ATP11A: variants seen among roughly 807,000 people sequenced by gnomAD.
ATP11A encodes ATPase phospholipid transporting 11A.
A neutral mutation model predicts 154.4 loss-of-function variants in ATP11A; 81 were observed. The observed-to-expected ratio is 0.52, with a 90% CI of 0.44 to 0.63. The LOEUF is 0.63. Among genes scored for constraint, ATP11A ranks in the 30% least tolerant of loss-of-function variants. The probability of loss-of-function intolerance (pLI) is 0.00; values close to 1 mark genes in which losing one functional copy is unlikely to be tolerated. For synonymous variants in ATP11A, 623 were observed against 585.9 expected (o/e 1.06, Z -0.91); for missense variants, 1,316 against 1,474.3 (o/e 0.89, Z 1.76).
At chr13:112,806,871 T>G (rs1354917695) in intron 4 of ATP11A, among the ~76,000 whole-genome samples, 1 of 152,204 alleles carries the variant, frequency 6.6e-6, no homozygotes, top group Non-Finnish European at 1.5e-5. Flanking sequence ...TCTAAACATT[T>G]CGTACTCACG....
intron 1 of ATP11A, among the ~76,000 whole-genome samples, chr13:112,695,259 A>G (rs547299397): frequency 3.9e-5 from 6 of 152,258 alleles, no homozygotes; most frequent in African/African-American, 1.4e-4. Context: ...CATAGAATCC[A>G]AGACTAATAA....
At chr13:112,715,367 C>G in intron 1 of ATP11A, among the ~76,000 whole-genome samples, 1 of 150,474 alleles carries the variant, frequency 6.6e-6, no homozygotes, top group African/African-American at 2.4e-5. Context: ...TACACCTGGC[C>G]CACCTCCCCA....
intron 12 of ATP11A, among the ~76,000 whole-genome samples, chr13:112,829,522 A>G (rs1246276542): frequency 6.6e-6 from 1 of 152,210 alleles, no homozygotes; most frequent in East Asian, 1.9e-4. Context: ...CTTTCATAAC[A>G]TCTCTCAACA....
intron 11 of ATP11A, 70 bp from the exon 12 acceptor site, chr13:112,826,624 T>C: frequency 2.4e-6 from 3 of 1,244,526 alleles, no homozygotes; most frequent in East Asian, 2.3e-5. Flanking sequence ...CCTGAGGTGT[T>C]AGAGCAGCAT....
At chr13:112,864,868 G>C (rs1261608802) in intron 25 of ATP11A, among the ~76,000 whole-genome samples, 1 of 72,512 alleles carries the variant, frequency 1.4e-5, no homozygotes, top group African/African-American at 5.1e-5. Flanking sequence ...CACCACCTGC[G>C]CAGTAATTCA....
chr13:112,856,169 T>C, intron 20 of ATP11A, 84 bp downstream of exon 20: 1 of 1,356,272 alleles, frequency 7.4e-7, no homozygotes, highest in Non-Finnish European at 1.0e-6. Context: ...CGCCTCAGAT[T>C]GTTAAACAAT....
chr13:112,698,015 C>T (rs1470051512), intron 1 of ATP11A, among the ~76,000 whole-genome samples: 5 of 152,184 alleles, frequency 3.3e-5, no homozygotes, highest in African/African-American at 1.2e-4. Flanking sequence ...CAAGGGAGCC[C>T]CTGCCCCTGC....
chr13:112,794,648 T>C (rs2077949709), intron 2 of ATP11A, among the ~76,000 whole-genome samples: 2 of 152,220 alleles, frequency 1.3e-5, no homozygotes, highest in African/African-American at 4.8e-5. Context: ...AGCGGGCGGA[T>C]CACGAGGTCA....
rs1282681204 is a variant in ATP11A, at chr13:112,868,935, A to G, written c.2992-2800A>G. Among the ~76,000 whole-genome samples, 7 of 152,042 alleles carry G rather than the reference A, an allele frequency of 4.6e-5. No homozygotes were observed. In the East Asian group the frequency reaches 1.4e-3, roughly 29 times the overall value. ...CAGGAGAGAGAGAGCAAAGGGGAAA[A>G]TGCTACACACTTTGAAACAACCAGA... is the stretch of plus-strand genomic sequence containing the variant. On this transcript the variant is annotated intron_variant, in intron 25 of 29. Coordinates refer to ENST00000375645, the MANE Select transcript of ATP11A (RefSeq NM_015205.3).
In ATP11A at chr13:112,802,347, CA is replaced by C. The variant is rs202040631; in HGVS notation, c.163-2600del. Among the ~76,000 whole-genome samples the C allele has an allele frequency of 3.1e-4, 43 of 140,852 alleles. No individual in the cohort carries two copies. The East Asian group carries it at 3.9e-3, about 13-fold the overall frequency. The allele number at this position is 140,852 out of a possible 152,430, so 92.4% of individuals were successfully genotyped here. A position where few individuals can be genotyped will look rare whatever the true frequency, so the allele number is the denominator to read the frequency against. ...GGCAACAGAGCGAGACTCCGTCTCA[CA>C]AAAAAAAAAGAAAAGAATAGACAAA... is the stretch of plus-strand genomic sequence containing the variant. On this transcript the variant is annotated intron_variant, in intron 2 of 29. Transcript: ENST00000375645.
At chr13:112,827,759 G>A (rs749306156) in intron 12 of ATP11A, among the ~76,000 whole-genome samples, 5 of 152,252 alleles carry the variant, frequency 3.3e-5, no homozygotes, top group Admixed American at 6.5e-5. Context: ...ATGACAGCCT[G>A]TAAATAGACT....
rs2080683897 is a variant in ATP11A at position 112,875,277 on chromosome 13, C to T, written c.3162-499C>T. Among the ~76,000 whole-genome samples, 1 of 152,160 alleles carries T rather than the reference C, an allele frequency of 6.6e-6. No homozygotes were observed. Among genetic ancestry groups the T allele is most frequent in the South Asian group, 2.1e-4 (1 of 4,820 alleles). On this transcript the variant is annotated intron_variant, in intron 27 of 29. Transcript: ENST00000375645. The surrounding 1 kb of genome is among the most constrained non-coding windows in gnomAD (Gnocchi z 4.1). ...ACCGGAAGGCACGTATAGACGTGGA[C>T]CTGTGGGCTCGGGCTGGCTGCGGGT...
In ATP11A at chr13:112,837,450, C is replaced by T. The variant is rs186605782; in HGVS notation, c.1705+1199C>T. 5.0e-3 allele frequency among the ~76,000 whole-genome samples: 769 copies of T among 152,366 alleles called. 5 individuals are homozygous for T. The highest frequency in any genetic ancestry group is 7.9e-3 in the Non-Finnish European group (537 of 68,036). ...GCAGCCACTGGCTGCCTGCACGCAT[C>T]CCGAACGCAGAACCGATGCTCTTCT... is the stretch of plus-strand genomic sequence containing the variant. On this transcript the variant is annotated intron_variant, in intron 16 of 29. Coordinates refer to ENST00000375645, the MANE Select transcript of ATP11A (RefSeq NM_015205.3).
At chr13:112,834,771 C>T (rs1241793481) in intron 15 of ATP11A, 111 bp downstream of exon 15, 11 of 827,118 alleles carry the variant, frequency 1.3e-5, no homozygotes, top group Admixed American at 6.4e-5. Flanking sequence ...TCCCACAATT[C>T]GCTTCCTCTC....
At chr13:112,833,075 TCC>T in intron 14 of ATP11A, 52 bp downstream of exon 14, 1 of 1,572,058 alleles carries the variant, frequency 6.4e-7, no homozygotes. Context: ...ACTCAGCCCC[TCC>T]CCAGCCCCAG....
chr13:112,772,273 C>T (rs973345053), intron 1 of ATP11A, among the ~76,000 whole-genome samples: 2 of 152,076 alleles, frequency 1.3e-5, no homozygotes, highest in African/African-American at 2.4e-5. Context: ...TGAGAGAAGC[C>T]TACGTTTGTG....
chr13:112,831,978 C>T (rs957811079), intron 13 of ATP11A, among the ~76,000 whole-genome samples: 5 of 151,648 alleles, frequency 3.3e-5, no homozygotes, highest in African/African-American at 9.7e-5. Flanking sequence ...CATGCCCAGA[C>T]ACCGTGTGCA....
chr13:112,832,557 G>A (rs1410205002), intron 13 of ATP11A, among the ~76,000 whole-genome samples: 2 of 152,168 alleles, frequency 1.3e-5, no homozygotes, highest in East Asian at 1.9e-4. Context: ...CTTCCTGGAC[G>A]CTAGCGGTCA....
In ATP11A at chr13:112,729,383, G is replaced by T. The variant is rs149973558; in HGVS notation, c.39+38928G>T. 5.8e-4 allele frequency among the ~76,000 whole-genome samples: 88 copies of T among 151,212 alleles called. 2 individuals are homozygous for T. Among genetic ancestry groups the T allele is most frequent in the African/African-American group, 2.1e-3 (86 of 40,580 alleles). On this transcript the variant is annotated intron_variant, in intron 1 of 29. Transcript: ENST00000375645. The stretch of plus-strand genomic sequence containing the variant: ...CACAGTCCCCTCGCCTTAGCATTGC[G>T]GGCCCAGAGTATCTAACGCGTCCGA...
Sources: allele counts gnomAD v4.1 joint callset (sites outside exome capture counted in the v4.1 genomes callset), GRCh38; gene constraint gnomAD v4.1.1; non-coding constraint Gnocchi (gnomAD v3.1); transcripts MANE v1.5; gene names NCBI Gene and HGNC (gene_info 2026-07-23, HGNC 2026-07-21).